Variants in TMEFF2 observed in about 807,000 individuals in gnomAD.
TMEFF2 encodes the protein transmembrane protein with EGF like and two follistatin like domains 2.
TMEFF2 carries 28 observed loss-of-function variants against 53.8 expected under a neutral mutation model. That is an observed-to-expected ratio of 0.52 (90% CI 0.39 to 0.71). The LOEUF (loss-of-function observed/expected upper bound fraction) is 0.71, where lower values mean the gene tolerates loss of function less well. TMEFF2 is among the 30% of genes least tolerant of loss of function. TMEFF2 has a pLI of 0.00. For missense variants in TMEFF2, 353 were observed against 455.2 expected (o/e 0.78, Z 2.04); for synonymous variants, 162 against 166.3 (o/e 0.97, Z 0.20).
chr2:191,988,380 A>G (rs1686028008), intron 7 of TMEFF2, among the ~76,000 whole-genome samples: 1 of 152,210 alleles, frequency 6.6e-6, no homozygotes, highest in African/African-American at 2.4e-5. Context: ...ATTATTTCAA[A>G]CAACAGGAAA....
At chr2:192,027,389 G>C (rs1166593820) in intron 5 of TMEFF2, among the ~76,000 whole-genome samples, 1 of 152,140 alleles carries the variant, frequency 6.6e-6, no homozygotes, top group African/African-American at 2.4e-5. Flanking sequence ...AGGCATGTCA[G>C]GATATATATC....
At chr2:191,981,246 T>C (rs1014927536) in intron 7 of TMEFF2, among the ~76,000 whole-genome samples, 6 of 152,228 alleles carry the variant, frequency 3.9e-5, no homozygotes, top group Non-Finnish European at 7.3e-5. Flanking sequence ...CATTCCATGC[T>C]TTAGCCATGA....
At chr2:192,059,663 T>G (rs1687997365) in intron 4 of TMEFF2, among the ~76,000 whole-genome samples, 1 of 152,164 alleles carries the variant, frequency 6.6e-6, no homozygotes, top group Admixed American at 6.6e-5. Flanking sequence ...AGGGATTGAC[T>G]GGAGGTCATC....
chr2:192,123,357 A>AAATTGAG (rs1402155021), intron 4 of TMEFF2, among the ~76,000 whole-genome samples: 2 of 152,148 alleles, frequency 1.3e-5, no homozygotes, highest in Non-Finnish European at 2.9e-5. Flanking sequence ...CTAGAGTCAA[A>AAATTGAG]AATTGAGGTA....
chr2:192,015,992 A>T (rs1338690788), intron 5 of TMEFF2, among the ~76,000 whole-genome samples: 2 of 152,236 alleles, frequency 1.3e-5, no homozygotes, highest in African/African-American at 2.4e-5. Context: ...TTGATTAAAC[A>T]TAAGGTCTGT....
chr2:192,159,099 T>G, intron 4 of TMEFF2, among the ~76,000 whole-genome samples: 1 of 152,264 alleles, frequency 6.6e-6, no homozygotes, highest in South Asian at 2.1e-4. Context: ...AACCCCACAG[T>G]GCTAAAAGCA....
chr2:191,970,143 G>A lies in TMEFF2; in HGVS notation c.746-13765C>T, dbSNP rs548816434. ...ATGTGAAGATCCATGGTAGATTTCC[G>A]TGTTGTCCCTCTATTTAACCTGTTA... On this transcript the variant is annotated intron_variant, in intron 7 of 9. Transcript: ENST00000272771. Among the ~76,000 whole-genome samples, 11 of 152,138 alleles carry A rather than the reference G, an allele frequency of 7.2e-5. No individual in the cohort carries two copies. The South Asian group carries it at 1.5e-3, about 20-fold the overall frequency.
intron 7 of TMEFF2, among the ~76,000 whole-genome samples, chr2:191,964,894 G>A (rs1178376986): frequency 1.3e-5 from 2 of 152,012 alleles, no homozygotes; most frequent in Non-Finnish European, 2.9e-5. Flanking sequence ...CCTTTTTGAA[G>A]CCCTCTCTTC....
rs541371289 is a variant in TMEFF2, at chr2:192,168,819, T to TTTTAAATTTTATTTTTTTG, written c.439+10830_439+10848dup. Among the ~76,000 whole-genome samples, 706 of 152,188 alleles carry TTTTAAATTTTATTTTTTTG rather than the reference T, an allele frequency of 4.6e-3. 8 individuals are homozygous for TTTTAAATTTTATTTTTTTG. Among genetic ancestry groups the TTTTAAATTTTATTTTTTTG allele is most frequent in the Admixed American group, 0.019 (296 of 15,264 alleles). ...ATTTAGAAATTTAAGCACACTTTCTTTTTAAATTTTATTTTTTTGTTTAAA... is the reference window on the plus strand; with the variant it reads ...ATTTAGAAATTTAAGCACACTTTCTTTTTAAATTTTATTTTTTTGTTTAAATTTTATTTTTTTGTTTAAA... On this transcript the variant is annotated intron_variant, in intron 4 of 9. Coordinates refer to ENST00000272771, the MANE Select transcript of TMEFF2 (RefSeq NM_016192.4).
chr2:192,066,166 A>G (rs889188350), intron 4 of TMEFF2, among the ~76,000 whole-genome samples: 2 of 151,810 alleles, frequency 1.3e-5, no homozygotes, highest in African/African-American at 4.8e-5. Context: ...ATACTGTTAC[A>G]TCGTATTATT....
chr2:192,140,519 G>A (rs1372723527), intron 4 of TMEFF2, among the ~76,000 whole-genome samples: 1 of 152,096 alleles, frequency 6.6e-6, no homozygotes, highest in African/African-American at 2.4e-5. Flanking sequence ...GTTCCACATT[G>A]AAAGAAATAG....
intron 4 of TMEFF2, among the ~76,000 whole-genome samples, chr2:192,133,349 G>A (rs1333602100): frequency 1.3e-5 from 2 of 151,966 alleles, no homozygotes; most frequent in Non-Finnish European, 2.9e-5. Flanking sequence ...GACCGATCAC[G>A]CACCCCTTAC....
chr2:191,956,669 CA>C (rs1476365502), intron 7 of TMEFF2, among the ~76,000 whole-genome samples: 2 of 152,152 alleles, frequency 1.3e-5, no homozygotes, highest in Non-Finnish European at 2.9e-5. Context: ...ATTTTCCTCA[CA>C]TAGGGACCGT....
chr2:191,960,549 T>C (rs1208320444), intron 7 of TMEFF2, among the ~76,000 whole-genome samples: 17 of 152,212 alleles, frequency 1.1e-4, no homozygotes, highest in Non-Finnish European at 2.4e-4. Flanking sequence ...AACTAGACCC[T>C]ACCCGTTGTT....
At chr2:192,009,791 A>T (rs962496515) in intron 5 of TMEFF2, among the ~76,000 whole-genome samples, 1 of 152,170 alleles carries the variant, frequency 6.6e-6, no homozygotes, top group Non-Finnish European at 1.5e-5. Flanking sequence ...ATGGTTCTTA[A>T]GATCAAAAGC....
At chr2:192,047,566 G>T (rs1195179882) in intron 5 of TMEFF2, among the ~76,000 whole-genome samples, 1 of 152,176 alleles carries the variant, frequency 6.6e-6, no homozygotes, top group Non-Finnish European at 1.5e-5. Flanking sequence ...GCATTGTCCT[G>T]ATTTCTTATG....
At chr2:192,023,340 A>G (rs1686898952) in intron 5 of TMEFF2, among the ~76,000 whole-genome samples, 1 of 152,066 alleles carries the variant, frequency 6.6e-6, no homozygotes. Flanking sequence ...TTCTTGTGGG[A>G]ACTACATCAA....
chr2:192,182,124 CA>C lies in TMEFF2; in HGVS notation c.412+2229del, dbSNP rs199857247. On this transcript the variant is annotated intron_variant, in intron 3 of 9. Transcript: ENST00000272771. ...TCACAATAAGAGTCCATTCTCTGGA[CA>C]AAAAAAAATTAAGTTCAATGAAATA... Among the ~76,000 whole-genome samples the C allele has an allele frequency of 5.5e-4, 83 of 150,060 alleles. 1 individual carries two copies. Among genetic ancestry groups the C allele is most frequent in the South Asian group, 1.3e-3 (6 of 4,770 alleles).
rs2105779614 is a variant in TMEFF2 at position 191,949,162 on chromosome 2, G to T, written c.*1149C>A. On this transcript the variant is annotated 3_prime_UTR_variant, in exon 10 of 10. Transcript: ENST00000272771. The stretch of plus-strand genomic sequence containing the variant: ...ATCTTATTCCTTGAGAATTTTCACA[G>T]CTTATTTTTTCCAGATCAAGTTGTG... The T allele has an allele frequency of 1.0e-6, 1 of 985,176 alleles. No homozygotes were observed. Among genetic ancestry groups the T allele is most frequent in the Non-Finnish European group, 1.2e-6 (1 of 829,836 alleles). The allele number at this position is 985,176 out of a possible 1,614,324, so 61.0% of individuals were successfully genotyped here.
Sources: gnomAD v4.1 joint callset for allele counts (sites outside exome capture counted in the v4.1 genomes callset) on GRCh38, gnomAD v4.1.1 for gene constraint, MANE v1.5 for transcripts, NCBI Gene and HGNC (gene_info 2026-07-23, HGNC 2026-07-21) for gene names.